DCLK1: variants seen among roughly 807,000 people sequenced by gnomAD.
DCLK1 encodes doublecortin like kinase 1.
DCLK1 carries 16 observed loss-of-function variants against 86.2 expected under a neutral mutation model. That is an observed-to-expected ratio of 0.19 (90% CI 0.13 to 0.28). The LOEUF is 0.28. Ranked by LOEUF, DCLK1 falls within the 10% of genes least tolerant of loss-of-function variation. The probability of loss-of-function intolerance (pLI) is 1.00; values close to 1 mark genes in which losing one functional copy is unlikely to be tolerated. For synonymous variants in DCLK1, 369 were observed against 370.5 expected (o/e 1.00, Z 0.05); for missense variants, 590 against 940.2 (o/e 0.63, Z 4.87).
At chr13:35,920,870 C>A (rs1875761554) in intron 4 of DCLK1, among the ~76,000 whole-genome samples, 1 of 152,106 alleles carries the variant, frequency 6.6e-6, no homozygotes, top group African/African-American at 2.4e-5. Context: ...AGGAAATTGC[C>A]CGTGGTCCCT....
chr13:35,781,863 G>T (rs1291525165), intron 16 of DCLK1, among the ~76,000 whole-genome samples: 1 of 152,092 alleles, frequency 6.6e-6, no homozygotes, highest in Non-Finnish European at 1.5e-5. Flanking sequence ...GAAATGTTTT[G>T]CTTGCTAGTA....
At chr13:35,861,305 T>A (rs1871367488) in intron 5 of DCLK1, among the ~76,000 whole-genome samples, 1 of 152,016 alleles carries the variant, frequency 6.6e-6, no homozygotes, top group Admixed American at 6.5e-5. Context: ...ATTAGGAAAT[T>A]TTTGGATCTG....
At chr13:35,783,474 AC>A (rs2086566381) in intron 16 of DCLK1, among the ~76,000 whole-genome samples, 2 of 152,174 alleles carry the variant, frequency 1.3e-5, no homozygotes, top group African/African-American at 4.8e-5. Flanking sequence ...GCCCAAGGTT[AC>A]TGCAGGAAAT....
At chr13:36,112,711 A>G (rs1010568548) in intron 2 of DCLK1, among the ~76,000 whole-genome samples, 7 of 152,194 alleles carry the variant, frequency 4.6e-5, no homozygotes, top group African/African-American at 1.7e-4. Flanking sequence ...AAAGCCCAGT[A>G]AAGTTCCAAA....
chr13:35,785,631 C>T (rs1276976556), intron 16 of DCLK1, among the ~76,000 whole-genome samples: 2 of 152,116 alleles, frequency 1.3e-5, no homozygotes, highest in Non-Finnish European at 2.9e-5. Flanking sequence ...TCTGGGCACC[C>T]TGAGGAGATG....
chr13:35,948,128 C>A (rs1877482866), intron 3 of DCLK1, among the ~76,000 whole-genome samples: 2 of 152,218 alleles, frequency 1.3e-5, no homozygotes. Context: ...ACTCGACTTA[C>A]TCTCCAATGA....
intron 3 of DCLK1, among the ~76,000 whole-genome samples, chr13:36,052,032 T>C (rs1883140630): frequency 6.6e-6 from 1 of 152,184 alleles, no homozygotes; most frequent in Admixed American, 6.6e-5. Flanking sequence ...CCCAGGTGAT[T>C]TGGAATACAA....
chr13:35,991,363 G>C (rs1472661049), intron 3 of DCLK1, among the ~76,000 whole-genome samples: 1 of 152,034 alleles, frequency 6.6e-6, no homozygotes, highest in Non-Finnish European at 1.5e-5. Flanking sequence ...GAAGACTCCT[G>C]TGTCATTTAG....
At chr13:35,897,022 G>A (rs1461226202) in intron 4 of DCLK1, among the ~76,000 whole-genome samples, 1 of 152,108 alleles carries the variant, frequency 6.6e-6, no homozygotes, top group African/African-American at 2.4e-5. Context: ...GGCAGGAGAG[G>A]TCTAAGGCAG....
intron 4 of DCLK1, among the ~76,000 whole-genome samples, chr13:35,893,196 G>T (rs761685437): frequency 6.6e-6 from 1 of 152,214 alleles, no homozygotes; most frequent in Non-Finnish European, 1.5e-5. Context: ...TTCGGGGCAA[G>T]GAGTCCAGCA....
At chr13:35,999,615 G>C (rs571438176) in intron 3 of DCLK1, among the ~76,000 whole-genome samples, 9 of 152,224 alleles carry the variant, frequency 5.9e-5, no homozygotes, top group Non-Finnish European at 5.9e-5. Context: ...TTTCTCCTGA[G>C]GCCTCCGACT....
chr13:36,111,296 T>C (rs574639547), intron 3 of DCLK1, among the ~76,000 whole-genome samples: 14 of 152,274 alleles, frequency 9.2e-5, no homozygotes, highest in African/African-American at 3.4e-4. Flanking sequence ...ATTCTGTAGC[T>C]GAAAAACCTC....
intron 3 of DCLK1, among the ~76,000 whole-genome samples, chr13:35,973,740 G>A (rs891911797): frequency 3.3e-5 from 5 of 152,202 alleles, no homozygotes; most frequent in Admixed American, 2.0e-4. Flanking sequence ...GACAGGCAGG[G>A]TCAAGGAACG....
chr13:35,812,783 C>T (rs1162361176), intron 11 of DCLK1, among the ~76,000 whole-genome samples: 11 of 152,176 alleles, frequency 7.2e-5, no homozygotes, highest in Admixed American at 2.6e-4. Context: ...GGCAGGTATC[C>T]GAAGATTTGT....
rs1257824910 is a variant in DCLK1, at chr13:35,947,519, C to A, written c.724-62G>T. 6 of 1,376,772 alleles carry A rather than the reference C, an allele frequency of 4.4e-6. No homozygotes were observed. In the African/African-American group the frequency reaches 8.6e-5, roughly 20 times the overall value. The allele number at this position is 1,376,772 out of a possible 1,614,324, so 85.3% of individuals were successfully genotyped here. A position where few individuals can be genotyped will look rare whatever the true frequency, so the allele number is the denominator to read the frequency against. On this transcript the variant is annotated intron_variant, in intron 3 of 16. Transcript: ENST00000360631. ...AGAACAGCAATTACAACAATGCAACCCCACGAGCAGACATCTGCATAAAGC... is the reference window on the plus strand; with the variant it reads ...AGAACAGCAATTACAACAATGCAACACCACGAGCAGACATCTGCATAAAGC...
At chr13:35,842,019 C>G (rs1289925701) in intron 6 of DCLK1, among the ~76,000 whole-genome samples, 1 of 151,292 alleles carries the variant, frequency 6.6e-6, no homozygotes, top group Non-Finnish European at 1.5e-5. Flanking sequence ...TGAGGCAGCC[C>G]TTCATCATTA....
chr13:36,075,732 G>A (rs1884178128), intron 3 of DCLK1, among the ~76,000 whole-genome samples: 1 of 152,098 alleles, frequency 6.6e-6, no homozygotes, highest in African/African-American at 2.4e-5. Flanking sequence ...AAATGCTAGT[G>A]TTGACCGGGC....
At chr13:35,934,804 C>T (rs565576807) in intron 4 of DCLK1, among the ~76,000 whole-genome samples, 1 of 152,284 alleles carries the variant, frequency 6.6e-6, no homozygotes, top group Non-Finnish European at 1.5e-5. Context: ...GGCAGTTTCT[C>T]AACTTCTCCT....
chr13:36,001,309 A>C (rs188192481), intron 3 of DCLK1, among the ~76,000 whole-genome samples: 122 of 152,330 alleles, frequency 8.0e-4, no homozygotes, highest in Middle Eastern at 6.8e-3. Flanking sequence ...TCCAACAGCA[A>C]AAAACAATGC....
Sources: gnomAD v4.1 joint callset for allele counts (sites outside exome capture counted in the v4.1 genomes callset) on GRCh38, gnomAD v4.1.1 for gene constraint, MANE v1.5 for transcripts, NCBI Gene and HGNC (gene_info 2026-07-23, HGNC 2026-07-21) for gene names.